SPG21: variants seen among roughly 807,000 people sequenced by gnomAD.
SPG21 encodes SPG21 abhydrolase domain containing, maspardin.
Under a neutral mutation model 38.9 loss-of-function variants are expected in SPG21, and 26 were observed. That is an observed-to-expected ratio of 0.67 (90% CI 0.49 to 0.93). The LOEUF is 0.93. Among genes scored for constraint, SPG21 ranks in the 40% least tolerant of loss-of-function variants. The pLI, the probability that SPG21 is intolerant of heterozygous loss-of-function variation, is 0.00. For synonymous variants in SPG21, 136 were observed against 128.9 expected, an observed-to-expected ratio of 1.05 and a Z score of -0.37; for missense variants, 333 against 376.5, an observed-to-expected ratio of 0.88 and a Z score of 0.96.
At chr15:64,966,500 C>A (rs1204961615) in intron 7 of SPG21, among the ~76,000 whole-genome samples, 1 of 152,086 alleles carries the variant, frequency 6.6e-6, no homozygotes, top group East Asian at 1.9e-4. Flanking sequence ...AAAGCTTGTT[C>A]TATGTTATGG....
At chr15:64,985,061 TTAATACAAAATACAG>T (rs1162966785) in intron 1 of SPG21, among the ~76,000 whole-genome samples, 1 of 152,206 alleles carries the variant, frequency 6.6e-6, no homozygotes, top group Non-Finnish European at 1.5e-5. Flanking sequence ...CATGTAGTTC[TTAATACAAAATACAG>T]GCAAATTTGC....
chr15:64,976,498 A>T lies in SPG21; in HGVS notation c.283T>A (p.Leu95Ile). The T allele has an allele frequency of 6.2e-7, 1 of 1,612,896 alleles. No individual in the cohort carries two copies. Among genetic ancestry groups the T allele is most frequent in the Non-Finnish European group, 8.5e-7 (1 of 1,178,954 alleles). ...LEFCDGFRKL[L>I]DHLQLDKVHL... ...ACTTTATCCAATTGTAAATGGTCTA[A>T]AAGTTTTCTGAATCCATCACAGAAC... Residue 95 changes from leucine to isoleucine, a missense_variant, in exon 4 of 9, where the codon TTA becomes ATA. Leu to Ile is a conservative substitution (Grantham distance 5). Coordinates refer to ENST00000204566, the MANE Select transcript of SPG21 (RefSeq NM_016630.7).
intron 2 of SPG21, chr15:64,982,933 T>A (rs1227535899): frequency 6.4e-6 from 1 of 156,340 alleles, no homozygotes; most frequent in Non-Finnish European, 1.4e-5. Flanking sequence ...CATACATACC[T>A]GCTTGCTTGT....
At chr15:64,977,232 T>C (rs543648622) in intron 3 of SPG21, among the ~76,000 whole-genome samples, 3 of 152,094 alleles carry the variant, frequency 2.0e-5, no homozygotes, top group African/African-American at 7.2e-5. Flanking sequence ...ACCCAGCTGA[T>C]TTTTGTATTT....
At chr15:64,972,648 C>T (rs4989150) in intron 5 of SPG21, among the ~76,000 whole-genome samples, 48,392 of 151,888 alleles carry the variant, frequency 0.32, 8,672 homozygotes, top group South Asian at 0.48. Context: ...CTGGTGAACA[C>T]GGTGAAACCC....
At chr15:64,980,821 A>AC (rs780856204) in intron 3 of SPG21, 43 bp downstream of exon 3, 191 of 1,604,146 alleles carry the variant, frequency 1.2e-4, no homozygotes, top group South Asian at 7.1e-4. Flanking sequence ...AAAAAAAAAA[A>AC]ACACACAAAA....
rs2086079118 is a variant in SPG21, at chr15:64,989,783, G to A, written c.-143C>T. The stretch of plus-strand genomic sequence containing the variant: ...TCGGGGCGGGCGGCGGAGCACTCGG[G>A]ACCCACGGGCACAGCAGGCTGCGCG... On this transcript the variant is annotated 5_prime_UTR_variant, in exon 1 of 9. Coordinates refer to ENST00000204566, the MANE Select transcript of SPG21 (RefSeq NM_016630.7). The A allele has an allele frequency of 6.6e-6, 1 of 152,052 alleles. No homozygotes were observed. Among genetic ancestry groups the A allele is most frequent in the Admixed American group, 6.5e-5 (1 of 15,284 alleles). The allele number at this position is 152,052 out of a possible 1,614,324, so 9.4% of individuals were successfully genotyped here.
intron 5 of SPG21, among the ~76,000 whole-genome samples, chr15:64,971,469 A>G (rs2085661738): frequency 6.7e-6 from 1 of 149,012 alleles, no homozygotes; most frequent in Non-Finnish European, 1.5e-5. Flanking sequence ...AACCCAGGAG[A>G]TGGAGCTTGC....
At chr15:64,981,080 G>T (rs2085876866) in intron 2 of SPG21, 55 bp from the exon 3 acceptor site, 2 of 1,604,148 alleles carry the variant, frequency 1.2e-6, no homozygotes, top group Admixed American at 1.7e-5. Flanking sequence ...TGCTTTTTAT[G>T]TTATTTTACA....
intron 7 of SPG21, among the ~76,000 whole-genome samples, chr15:64,966,149 A>G (rs1173520834): frequency 6.6e-6 from 1 of 152,198 alleles, no homozygotes; most frequent in East Asian, 1.9e-4. Flanking sequence ...TACTTTTATC[A>G]TTAATTTAAA....
chr15:64,983,864 C>T (rs2085934502), intron 1 of SPG21, among the ~76,000 whole-genome samples: 1 of 151,210 alleles, frequency 6.6e-6, no homozygotes, highest in Non-Finnish European at 1.5e-5. Flanking sequence ...CTCACTGCAT[C>T]CTCTACCTCC....
intron 8 of SPG21, among the ~76,000 whole-genome samples, chr15:64,964,625 C>CTT (rs777564572): frequency 1.2e-4 from 18 of 149,624 alleles, no homozygotes; most frequent in Non-Finnish European, 2.4e-4. Context: ...TTTGTTAGGG[C>CTT]TTTCTTTTCT....
At position 64,970,109 on chromosome 15, in the gene SPG21, C is replaced by A; in HGVS notation, c.561+5G>T. On this transcript the variant is annotated splice_donor_5th_base_variant and intron_variant, in intron 6 of 8. Coordinates refer to ENST00000204566, the MANE Select transcript of SPG21 (RefSeq NM_016630.7). ...GTGTCCCCAACCCAATGTCATGATC[C>A]TTACCCTGTCTACCATGAAATCAAT... 6.2e-7 allele frequency: 1 copy of A among 1,610,026 alleles called. No homozygotes were observed. The highest frequency in any genetic ancestry group is 8.5e-7 in the Non-Finnish European group (1 of 1,176,296).
chr15:64,988,056 A>G (rs1374837816), intron 1 of SPG21, among the ~76,000 whole-genome samples: 1 of 151,786 alleles, frequency 6.6e-6, no homozygotes, highest in Non-Finnish European at 1.5e-5. Context: ...CAAAACAGCA[A>G]CAACAACAAA....
At position 64,987,590 on chromosome 15, in the gene SPG21, G is replaced by C. The variant is rs938134837; in HGVS notation, c.-25+2075C>G. On this transcript the variant is annotated intron_variant, in intron 1 of 8. Transcript: ENST00000204566. The stretch of plus-strand genomic sequence containing the variant: ...GCTCAAAACTGATTTTATCTCTCAT[G>C]ATTTTGTTCTTCACAAAAACAAAAG... 4 of 152,244 alleles carry C rather than the reference G, an allele frequency of 2.6e-5. No individual in the cohort carries two copies. In the East Asian group the frequency reaches 7.7e-4, roughly 29 times the overall value. The allele number at this position is 152,244 out of a possible 1,614,324, so 9.4% of individuals were successfully genotyped here.
chr15:64,969,110 G>A (rs975986265), intron 7 of SPG21, 145 bp downstream of exon 7: 2 of 647,320 alleles, frequency 3.1e-6, no homozygotes, highest in African/African-American at 3.7e-5. Flanking sequence ...AGATTATTTT[G>A]GAATTGAGAA....
intron 1 of SPG21, 47 bp from the exon 2 acceptor site, chr15:64,983,640 A>G: frequency 8.5e-7 from 1 of 1,170,812 alleles, no homozygotes; most frequent in Non-Finnish European, 1.2e-6. Flanking sequence ...TCATGTTTAC[A>G]TCAGAACTAA....
chr15:64,974,831 T>A, intron 4 of SPG21, 84 bp from the exon 5 acceptor site: 1 of 1,476,358 alleles, frequency 6.8e-7, no homozygotes, highest in Non-Finnish European at 9.4e-7. Flanking sequence ...CAATTATCAC[T>A]AACCACAGAA....
intron 6 of SPG21, 104 bp from the exon 7 acceptor site, chr15:64,969,466 G>T: frequency 1.2e-6 from 1 of 842,048 alleles, no homozygotes; most frequent in Non-Finnish European, 2.0e-6. Flanking sequence ...TATCATCTGT[G>T]GTGGGGCCAG....
Sources: allele counts gnomAD v4.1 joint callset (sites outside exome capture counted in the v4.1 genomes callset), GRCh38; gene constraint gnomAD v4.1.1; transcripts MANE v1.5; gene names NCBI Gene and HGNC (gene_info 2026-07-23, HGNC 2026-07-21).